The following POFUT3 variants were observed in gnomAD, a reference collection of about 807,000 sequenced individuals.
POFUT3 encodes the protein GDP-fucose protein O-fucosyltransferase 3.
At chr8:33,351,634 A>G in the POFUT3 span, among the ~76,000 whole-genome samples, 2 of 152,132 alleles carry the variant, frequency 1.3e-5, no homozygotes, top group African/African-American at 4.8e-5. Context: ...TGCTGGCACC[A>G]TGCTTCTTGT....
At chr8:33,454,092 T>C in the POFUT3 span, among the ~76,000 whole-genome samples, 2 of 152,090 alleles carry the variant, frequency 1.3e-5, no homozygotes, top group African/African-American at 4.8e-5. Context: ...GCACCAATGG[T>C]ATCCAGCCTG....
At chr8:33,419,910 T>G in the POFUT3 span, among the ~76,000 whole-genome samples, 3 of 152,166 alleles carry the variant, frequency 2.0e-5, no homozygotes, top group Non-Finnish European at 1.5e-5. Context: ...GACAGATCCC[T>G]TGAGACTAGG....
chr8:33,317,491 C>T, the POFUT3 span, among the ~76,000 whole-genome samples: 1 of 152,014 alleles, frequency 6.6e-6, no homozygotes, highest in Non-Finnish European at 1.5e-5. Flanking sequence ...ACCAGTAAGC[C>T]CTCACTTCAA....
chr8:33,455,593 G>C, the POFUT3 span, among the ~76,000 whole-genome samples: 252 of 152,264 alleles, frequency 1.7e-3, no homozygotes, highest in African/African-American at 5.5e-3. Flanking sequence ...CTGGAGAAAG[G>C]GTTGATCTGC....
At chr8:33,309,497 A>G in the POFUT3 span, among the ~76,000 whole-genome samples, 1 of 151,784 alleles carries the variant, frequency 6.6e-6, no homozygotes, top group Non-Finnish European at 1.5e-5. Context: ...TGTGGAAGGA[A>G]GATTGGATCA....
chr8:33,438,066 G>A, the POFUT3 span, among the ~76,000 whole-genome samples: 3 of 152,130 alleles, frequency 2.0e-5, no homozygotes, highest in African/African-American at 7.2e-5. Flanking sequence ...AAAATATTTT[G>A]TGATCAATAA....
chr8:33,430,765 T>C, the POFUT3 span, among the ~76,000 whole-genome samples: 5 of 151,980 alleles, frequency 3.3e-5, no homozygotes, highest in Non-Finnish European at 4.4e-5. Context: ...TGCGCCACCA[T>C]GCTCAGCTAA....
the POFUT3 span, among the ~76,000 whole-genome samples, chr8:33,405,428 C>T: frequency 2.6e-5 from 4 of 152,002 alleles, no homozygotes; most frequent in African/African-American, 9.7e-5. Context: ...GTAAGTGGCA[C>T]TACCACCTCA....
the POFUT3 span, chr8:33,461,876 A>C: frequency 3.0e-6 from 1 of 338,272 alleles, no homozygotes; most frequent in Non-Finnish European, 5.7e-6. Flanking sequence ...TAAGGAAATC[A>C]AGGCTGGGCG....
chr8:33,371,531 A>G, the POFUT3 span: 1 of 152,208 alleles, frequency 6.6e-6, no homozygotes, highest in South Asian at 2.1e-4. Context: ...ATCATGACAC[A>G]ACAGTGGCAA....
the POFUT3 span, among the ~76,000 whole-genome samples, chr8:33,374,254 G>T: frequency 6.6e-6 from 1 of 152,110 alleles, no homozygotes. Flanking sequence ...TAGGTCTCTG[G>T]TGCCAAAAAG....
chr8:33,418,411 C>CT, the POFUT3 span, among the ~76,000 whole-genome samples: 236 of 126,540 alleles, frequency 1.9e-3, 1 homozygote, highest in East Asian at 0.017. Flanking sequence ...AAAGGGAACT[C>CT]TTTTTTTTTT....
chr8:33,344,139 G>T, the POFUT3 span, among the ~76,000 whole-genome samples: 1 of 152,122 alleles, frequency 6.6e-6, no homozygotes, highest in Non-Finnish European at 1.5e-5. Context: ...ATTTCCAGGG[G>T]TAATCACACT....
At chr8:33,372,101 A>T in the POFUT3 span, 1 of 947,282 alleles carries the variant, frequency 1.1e-6, no homozygotes, top group Non-Finnish European at 1.3e-6. Flanking sequence ...AGCTTTTATT[A>T]CTCACTTACA....
the POFUT3 span, among the ~76,000 whole-genome samples, chr8:33,467,060 C>T: frequency 4.0e-5 from 6 of 151,534 alleles, no homozygotes; most frequent in African/African-American, 1.2e-4. Flanking sequence ...GACCTGAGAT[C>T]GTACCACTGC....
At chr8:33,361,962 AT>A in the POFUT3 span, among the ~76,000 whole-genome samples, 1 of 152,218 alleles carries the variant, frequency 6.6e-6, no homozygotes, top group Non-Finnish European at 1.5e-5. Context: ...AAGACACGTA[AT>A]TGTCAGATTC....
chr8:33,404,167 G>GTCT, the POFUT3 span, among the ~76,000 whole-genome samples: 1 of 152,106 alleles, frequency 6.6e-6, no homozygotes, highest in Admixed American at 6.5e-5. Context: ...GCAAAACCCC[G>GTCT]TCTTGACTAA....
the POFUT3 span, among the ~76,000 whole-genome samples, chr8:33,376,529 T>C: frequency 1.3e-5 from 2 of 152,222 alleles, no homozygotes; most frequent in African/African-American, 2.4e-5. Context: ...ACTTGTTTGG[T>C]AAAATGTGAA....
the POFUT3 span, among the ~76,000 whole-genome samples, chr8:33,462,703 G>A: frequency 6.6e-6 from 1 of 152,140 alleles, no homozygotes; most frequent in East Asian, 1.9e-4. Context: ...GCCAAGGCAG[G>A]AGGATGGCTT....
Sources: allele counts gnomAD v4.1 joint callset (sites outside exome capture counted in the v4.1 genomes callset), GRCh38; gene constraint gnomAD v4.1.1; transcripts MANE v1.5; gene names NCBI Gene and HGNC (gene_info 2026-07-23, HGNC 2026-07-21).